NPAS3: variants seen among roughly 807,000 people sequenced by gnomAD.
NPAS3 encodes neuronal PAS domain-containing protein 3.
A neutral mutation model predicts 73.1 loss-of-function variants in NPAS3; 14 were observed. That is an observed-to-expected ratio of 0.19 (90% CI 0.13 to 0.30). NPAS3 has a LOEUF of 0.30. NPAS3 is among the 10% of genes least tolerant of loss of function. NPAS3 has a pLI of 1.00. For missense variants in NPAS3, 1,096 were observed against 1,250.0 expected (o/e 0.88, Z 1.86); for synonymous variants, 620 against 541.5 (o/e 1.14, Z -2.01).
intron 1 of NPAS3, among the ~76,000 whole-genome samples, chr14:33,005,909 G>A (rs894644857): frequency 6.6e-6 from 1 of 152,066 alleles, no homozygotes. Flanking sequence ...TTATGACAAC[G>A]GTCCTTCCAC....
At chr14:33,158,532 A>G (rs1202190823) in intron 2 of NPAS3, among the ~76,000 whole-genome samples, 2 of 152,236 alleles carry the variant, frequency 1.3e-5, no homozygotes, top group South Asian at 2.1e-4. Flanking sequence ...AGGTGGCAGA[A>G]GTATTAAAAA....
intron 5 of NPAS3, among the ~76,000 whole-genome samples, chr14:33,569,019 A>G (rs2056092623): frequency 6.6e-6 from 1 of 152,172 alleles, no homozygotes; most frequent in Non-Finnish European, 1.5e-5. Context: ...TCACATGCCT[A>G]TATATGTTTA....
chr14:33,488,383 C>G (rs185280273), intron 4 of NPAS3, among the ~76,000 whole-genome samples: 1 of 152,134 alleles, frequency 6.6e-6, no homozygotes, highest in Admixed American at 6.5e-5. Flanking sequence ...CAATGGAAAG[C>G]ATGCAAGTGC....
intron 1 of NPAS3, among the ~76,000 whole-genome samples, chr14:32,942,038 A>C (rs759558435): frequency 3.9e-5 from 6 of 152,146 alleles, no homozygotes; most frequent in Non-Finnish European, 7.4e-5. Context: ...GAGTAATTCC[A>C]CCTTTATTTG....
At chr14:33,488,853 T>C (rs1421778181) in intron 4 of NPAS3, among the ~76,000 whole-genome samples, 2 of 152,184 alleles carry the variant, frequency 1.3e-5, no homozygotes, top group African/African-American at 2.4e-5. Context: ...GAAGGAGTGT[T>C]TTCCATATTG....
At chr14:33,137,296 T>C (rs529972496) in intron 2 of NPAS3, among the ~76,000 whole-genome samples, 2 of 152,338 alleles carry the variant, frequency 1.3e-5, no homozygotes, top group South Asian at 4.1e-4. Flanking sequence ...GCATCTGAGA[T>C]ATTTAAGACT....
chr14:33,067,358 G>A (rs150248089), intron 2 of NPAS3, among the ~76,000 whole-genome samples: 60 of 152,350 alleles, frequency 3.9e-4, no homozygotes, highest in Non-Finnish European at 7.5e-4. Context: ...TCCTGTGAGT[G>A]TAAAGCTGTG....
At chr14:33,065,503 A>G (rs2041246677) in intron 2 of NPAS3, among the ~76,000 whole-genome samples, 2 of 152,158 alleles carry the variant, frequency 1.3e-5, no homozygotes, top group Admixed American at 6.5e-5. Flanking sequence ...ATTTTGGTTT[A>G]GTGACCAGCA....
intron 1 of NPAS3, among the ~76,000 whole-genome samples, chr14:32,957,117 G>A (rs1025808426): frequency 3.9e-5 from 6 of 152,092 alleles, no homozygotes; most frequent in East Asian, 1.9e-4. Context: ...CAGTGTCTGC[G>A]TGGGAAGATT....
At chr14:33,135,891 A>G (rs1022521833) in intron 2 of NPAS3, among the ~76,000 whole-genome samples, 1 of 152,126 alleles carries the variant, frequency 6.6e-6, no homozygotes, top group African/African-American at 2.4e-5. Flanking sequence ...AGTGGAGGAC[A>G]CTTTTTACAG....
chr14:33,387,774 C>T (rs1210031655), intron 4 of NPAS3, among the ~76,000 whole-genome samples: 1 of 152,156 alleles, frequency 6.6e-6, no homozygotes, highest in Admixed American at 6.5e-5. Flanking sequence ...AAATTGAATA[C>T]TAATTCATCA....
intron 3 of NPAS3, among the ~76,000 whole-genome samples, chr14:33,328,513 C>CTGGA (rs2043824429): frequency 9.3e-6 from 1 of 107,036 alleles, no homozygotes; most frequent in African/African-American, 3.7e-5. Context: ...GTCACCCAGG[C>CTGGA]TGGAGTGCAG....
chr14:33,127,442 T>G (rs921431436), intron 2 of NPAS3, among the ~76,000 whole-genome samples: 18 of 152,186 alleles, frequency 1.2e-4, no homozygotes, highest in African/African-American at 4.3e-4. Flanking sequence ...ATGTTTGTAG[T>G]GTTGCATTTC....
intron 2 of NPAS3, among the ~76,000 whole-genome samples, chr14:33,094,108 A>T (rs2042323879): frequency 8.3e-6 from 1 of 120,092 alleles, no homozygotes; most frequent in Non-Finnish European, 1.6e-5. Context: ...CCTAGAACTT[A>T]AAGTATAAAA....
intron 4 of NPAS3, among the ~76,000 whole-genome samples, chr14:33,467,954 CT>C (rs149144071): frequency 0.011 from 1,742 of 152,216 alleles, 36 homozygotes; most frequent in African/African-American, 0.04. Context: ...CCCCAAACAT[CT>C]TAATTATTTC....
intron 1 of NPAS3, among the ~76,000 whole-genome samples, chr14:32,943,693 CTT>C (rs11331212): frequency 1.3e-3 from 156 of 122,282 alleles, no homozygotes; most frequent in Middle Eastern, 4.3e-3. Context: ...TTTTCTTTTT[CTT>C]TTTTTTTTTT....
intron 4 of NPAS3, among the ~76,000 whole-genome samples, chr14:33,460,876 G>C (rs966095987): frequency 2.0e-5 from 3 of 152,132 alleles, no homozygotes; most frequent in African/African-American, 4.8e-5. Context: ...AATCAGTCTG[G>C]TGTTGTGATG....
intron 4 of NPAS3, among the ~76,000 whole-genome samples, chr14:33,547,029 C>T (rs1434864915): frequency 6.6e-6 from 1 of 152,136 alleles, no homozygotes; most frequent in Non-Finnish European, 1.5e-5. Flanking sequence ...CAGCAAATGT[C>T]TTAAGCAAGT....
intron 3 of NPAS3, among the ~76,000 whole-genome samples, chr14:33,316,606 C>T (rs1326747269): frequency 1.3e-5 from 2 of 152,096 alleles, no homozygotes; most frequent in Non-Finnish European, 2.9e-5. Context: ...ATCTCTTTTA[C>T]ATTAGACAAG....
Sources: gnomAD v4.1 joint callset for allele counts (sites outside exome capture counted in the v4.1 genomes callset) on GRCh38, gnomAD v4.1.1 for gene constraint, MANE v1.5 for transcripts, NCBI Gene and HGNC (gene_info 2026-07-23, HGNC 2026-07-21) for gene names.